Variants in SPECC1 observed in about 807,000 individuals in gnomAD.
SPECC1 encodes sperm antigen with calponin homology and coiled-coil domains 1.
Under a neutral mutation model 104.1 loss-of-function variants are expected in SPECC1, and 62 were observed. The ratio of observed to expected loss-of-function variants is 0.60; its 90% CI spans 0.49 to 0.74. SPECC1 has a LOEUF of 0.74. SPECC1 is among the 30% of genes least tolerant of loss of function. The pLI, the probability that SPECC1 is intolerant of heterozygous loss-of-function variation, is 0.00. For missense variants in SPECC1, 1,306 were observed against 1,310.5 expected, an observed-to-expected ratio of 1.00 and a Z score of 0.05; for synonymous variants, 513 against 501.6, an observed-to-expected ratio of 1.02 and a Z score of -0.30.
At chr17:20,294,367 C>A (rs1480282509) in intron 12 of SPECC1, among the ~76,000 whole-genome samples, 1 of 152,188 alleles carries the variant, frequency 6.6e-6, no homozygotes, top group African/African-American at 2.4e-5. Flanking sequence ...TTCTTTCTCC[C>A]CATGCAGCCT....
At chr17:20,201,417 G>T (rs2036426674) in intron 3 of SPECC1, among the ~76,000 whole-genome samples, 1 of 152,172 alleles carries the variant, frequency 6.6e-6, no homozygotes, top group Non-Finnish European at 1.5e-5. Flanking sequence ...TGGAGGCAGA[G>T]GTTGCAGTGA....
At chr17:20,304,136 A>T (rs2041684912) in intron 13 of SPECC1, among the ~76,000 whole-genome samples, 1 of 148,760 alleles carries the variant, frequency 6.7e-6, no homozygotes, top group Admixed American at 6.7e-5. Context: ...AAAAAAAAAA[A>T]AAAAAAAGCC....
At chr17:20,052,635 G>A (rs1400189032) in intron 1 of SPECC1, among the ~76,000 whole-genome samples, 1 of 152,198 alleles carries the variant, frequency 6.6e-6, no homozygotes, top group African/African-American at 2.4e-5. Context: ...CACTGATGGA[G>A]ATTTCCATAG....
chr17:20,247,619 A>G lies in SPECC1; in HGVS notation c.2598+300A>G, dbSNP rs75099683. On this transcript the variant is annotated intron_variant, in intron 9 of 14. Transcript: ENST00000395527. ...ATAAATATTAAATGAATGAAGGAAT[A>G]TGTTTTCAAATTTTAATATTTGCAG... Among the ~76,000 whole-genome samples the G allele has an allele frequency of 3.0e-3, 458 of 152,344 alleles. 18 individuals carry two copies. In the East Asian group the frequency reaches 0.085, roughly 28 times the overall value.
chr17:20,190,968 T>A (rs1567920144), intron 3 of SPECC1, among the ~76,000 whole-genome samples: 1 of 152,150 alleles, frequency 6.6e-6, no homozygotes, highest in Non-Finnish European at 1.5e-5. Context: ...TGTAGTTTTG[T>A]CTTTTGCAGA....
intron 2 of SPECC1, 80 bp downstream of exon 2, chr17:20,096,878 C>G (rs745717073): frequency 7.1e-5 from 108 of 1,512,350 alleles, no homozygotes; most frequent in Non-Finnish European, 9.4e-5. Flanking sequence ...AGTAAGCAAA[C>G]CAGTGGCCTC....
chr17:20,191,487 CTTT>C (rs57417459), intron 3 of SPECC1, among the ~76,000 whole-genome samples: 4,060 of 128,350 alleles, frequency 0.032, 123 homozygotes, highest in East Asian at 0.095. Context: ...TGTGGAGCAG[CTTT>C]TTTTTTTTTT....
intron 1 of SPECC1, chr17:20,017,174 G>A (rs2044170429): frequency 6.6e-6 from 1 of 152,324 alleles, no homozygotes; most frequent in African/African-American, 2.4e-5. Context: ...ATTCCGCGCT[G>A]CTGAAGGTTT....
intron 3 of SPECC1, among the ~76,000 whole-genome samples, chr17:20,136,621 A>G (rs898696936): frequency 5.9e-5 from 9 of 152,282 alleles, no homozygotes; most frequent in African/African-American, 2.2e-4. Context: ...GGAATGTGGT[A>G]TCTTTCTAGA....
At chr17:20,309,799 T>A (rs2041875304) in intron 14 of SPECC1, among the ~76,000 whole-genome samples, 1 of 142,576 alleles carries the variant, frequency 7.0e-6, no homozygotes, top group Non-Finnish European at 1.5e-5. Context: ...AGTCTACTGG[T>A]TTTCTTTCTC....
chr17:20,021,445 C>T (rs1406271165), intron 1 of SPECC1, among the ~76,000 whole-genome samples: 1 of 151,942 alleles, frequency 6.6e-6, no homozygotes, highest in Non-Finnish European at 1.5e-5. Context: ...TAGATGGACA[C>T]CCAGGTTGAT....
chr17:20,090,864 G>A lies in SPECC1; in HGVS notation c.-21-5767G>A, dbSNP rs755654645. Among the ~76,000 whole-genome samples, 25 of 152,118 alleles carry A rather than the reference G, an allele frequency of 1.6e-4. 1 individual carries two copies. The highest frequency in any genetic ancestry group is 2.2e-4 in the Non-Finnish European group (15 of 67,990). The stretch of plus-strand genomic sequence containing the variant: ...GCATTTCATATTTGGGACTTGCCTC[G>A]GCCTCTGTTTCTTATTCCAGATTAC... On this transcript the variant is annotated intron_variant, in intron 1 of 14. Transcript: ENST00000395527.
chr17:20,237,045 G>A, intron 7 of SPECC1: 1 of 1,481,494 alleles, frequency 6.7e-7, no homozygotes, highest in Non-Finnish European at 8.9e-7. Flanking sequence ...TTGCCGTCGA[G>A]TCTCTGCTTT....
intron 12 of SPECC1, among the ~76,000 whole-genome samples, chr17:20,286,575 G>A (rs2040954106): frequency 1.3e-5 from 2 of 152,114 alleles, no homozygotes; most frequent in Admixed American, 1.3e-4. Context: ...CTCCATCCAG[G>A]GGTAGGTCCT....
At chr17:20,096,110 C>T (rs893916520) in intron 1 of SPECC1, 3 of 152,246 alleles carry the variant, frequency 2.0e-5, no homozygotes, top group African/African-American at 7.2e-5. Context: ...TGGGTCTGAC[C>T]AATTAAAATA....
At chr17:20,158,753 G>GT (rs976409589) in intron 3 of SPECC1, among the ~76,000 whole-genome samples, 33 of 151,972 alleles carry the variant, frequency 2.2e-4, no homozygotes, top group South Asian at 1.7e-3. Context: ...GGCAAGTTCG[G>GT]TTTTTTTTGT....
At chr17:20,122,615 T>TC (rs1448387081) in intron 3 of SPECC1, among the ~76,000 whole-genome samples, 2 of 152,142 alleles carry the variant, frequency 1.3e-5, no homozygotes, top group African/African-American at 2.4e-5. Context: ...TGAAACTCTG[T>TC]CCCCATTAAA....
intron 13 of SPECC1, among the ~76,000 whole-genome samples, chr17:20,299,636 G>T (rs2041503175): frequency 6.6e-6 from 1 of 151,702 alleles, no homozygotes; most frequent in South Asian, 2.1e-4. Flanking sequence ...CAAGTATCTG[G>T]GTGCCATGCC....
chr17:20,059,922 G>T (rs74350104), intron 1 of SPECC1, among the ~76,000 whole-genome samples: 11,183 of 152,218 alleles, frequency 0.073, 545 homozygotes, highest in African/African-American at 0.14. Context: ...ACCTTGCAAA[G>T]AGGTTTCATT....
Sources: allele counts gnomAD v4.1 joint callset (sites outside exome capture counted in the v4.1 genomes callset), GRCh38; gene constraint gnomAD v4.1.1; transcripts MANE v1.5; gene names NCBI Gene and HGNC (gene_info 2026-07-23, HGNC 2026-07-21).